The following MALRD1 variants were observed in gnomAD, a reference collection of about 807,000 sequenced individuals.
The protein encoded by MALRD1 is MAM and LDL-receptor class A domain-containing protein 1.
Under a neutral mutation model 242.1 loss-of-function variants are expected in MALRD1, and 247 were observed. The ratio of observed to expected loss-of-function variants is 1.02; its 90% CI spans 0.92 to 1.13. The LOEUF (loss-of-function observed/expected upper bound fraction) is 1.13, where lower values mean the gene tolerates loss of function less well. MALRD1 is among the 50% of genes most tolerant of loss of function. The pLI is 0.00. For synonymous variants in MALRD1, 995 were observed against 866.6 expected, an observed-to-expected ratio of 1.15 and a Z score of -2.60; for missense variants, 2,989 against 2,533.1, an observed-to-expected ratio of 1.18 and a Z score of -3.86.
intron 21 of MALRD1, among the ~76,000 whole-genome samples, chr10:19,300,174 A>T (rs1438397997): frequency 6.6e-6 from 1 of 151,984 alleles, no homozygotes; most frequent in Non-Finnish European, 1.5e-5. Flanking sequence ...CAGGTGAAAG[A>T]TCTTTATAAC....
chr10:19,087,439 C>G (rs530561780), intron 2 of MALRD1, among the ~76,000 whole-genome samples: 1 of 151,650 alleles, frequency 6.6e-6, no homozygotes, highest in Non-Finnish European at 1.5e-5. Flanking sequence ...ATTATTTGTT[C>G]TTTAAACAAA....
intron 34 of MALRD1, among the ~76,000 whole-genome samples, chr10:19,599,463 A>T (rs1260201869): frequency 6.6e-5 from 10 of 152,150 alleles, no homozygotes; most frequent in Non-Finnish European, 1.5e-4. Context: ...AGAAAAAGAA[A>T]AAGAAAAAAG....
chr10:19,605,161 TTA>T (rs146834860), intron 34 of MALRD1, among the ~76,000 whole-genome samples: 8,488 of 104,026 alleles, frequency 0.082, 279 homozygotes, highest in Non-Finnish European at 0.1. Context: ...TTTTTTATTA[TTA>T]TTTTTTTTTT....
At chr10:19,315,184 A>AATTTATATAAATATG (rs1842609356) in intron 21 of MALRD1, among the ~76,000 whole-genome samples, 1 of 117,518 alleles carries the variant, frequency 8.5e-6, no homozygotes, top group Admixed American at 9.1e-5. Context: ...ATATAAATAT[A>AATTTATATAAATATG]TAAATATAAT....
At chr10:19,222,127 C>T (rs542541206) in intron 18 of MALRD1, among the ~76,000 whole-genome samples, 1 of 151,924 alleles carries the variant, frequency 6.6e-6, no homozygotes, top group South Asian at 2.1e-4. Flanking sequence ...CAGCCTCCTT[C>T]CCTTCCTCTC....
At chr10:19,375,502 C>T (rs979550242) in intron 26 of MALRD1, among the ~76,000 whole-genome samples, 2 of 152,166 alleles carry the variant, frequency 1.3e-5, no homozygotes, top group African/African-American at 2.4e-5. Context: ...ATACCAAAAT[C>T]ACCTGCAAGG....
At chr10:19,547,820 T>TATATATCTATA (rs1564431955) in intron 32 of MALRD1, among the ~76,000 whole-genome samples, 1 of 15,824 alleles carries the variant, frequency 6.3e-5, no homozygotes, top group African/African-American at 1.6e-4. Context: ...ATATATATAT[T>TATATATCTATA]TTTTTTTTTT....
chr10:19,257,331 G>A (rs1839559793), intron 18 of MALRD1, among the ~76,000 whole-genome samples: 1 of 152,106 alleles, frequency 6.6e-6, no homozygotes, highest in Admixed American at 6.6e-5. Flanking sequence ...ACAATTATTT[G>A]CCTTCAAATA....
chr10:19,386,201 G>A (rs889074346), intron 26 of MALRD1, among the ~76,000 whole-genome samples: 2 of 152,022 alleles, frequency 1.3e-5, no homozygotes, highest in Non-Finnish European at 2.9e-5. Flanking sequence ...GGAGGTACAA[G>A]CTTCTATATG....
At chr10:19,347,691 A>T in intron 24 of MALRD1, 80 bp from the exon 25 acceptor site, 1 of 1,440,268 alleles carries the variant, frequency 6.9e-7, no homozygotes, top group Non-Finnish European at 9.4e-7. Context: ...ATACAGCAAG[A>T]TCACTGCAGT....
intron 36 of MALRD1, among the ~76,000 whole-genome samples, chr10:19,637,608 GT>G (rs1840197885): frequency 6.6e-6 from 1 of 151,964 alleles, no homozygotes; most frequent in South Asian, 2.1e-4. Context: ...TTTTGGAGAG[GT>G]TATTGTCGTA....
At chr10:19,598,105 A>T (rs1165250187) in intron 34 of MALRD1, 3 of 152,214 alleles carry the variant, frequency 2.0e-5, no homozygotes, top group Non-Finnish European at 4.4e-5. Context: ...GATGGATTGG[A>T]GTGAGGAAGA....
intron 28 of MALRD1, among the ~76,000 whole-genome samples, chr10:19,396,129 C>CTT (rs757417816): frequency 2.3e-5 from 3 of 129,832 alleles, no homozygotes; most frequent in Non-Finnish European, 3.2e-5. Flanking sequence ...TCCTTCGTTT[C>CTT]TTTTTTTTTT....
chr10:19,524,242 C>T (rs1420918397), intron 31 of MALRD1, among the ~76,000 whole-genome samples: 1 of 152,064 alleles, frequency 6.6e-6, no homozygotes, highest in Non-Finnish European at 1.5e-5. Flanking sequence ...TTTGGGAGGC[C>T]AAGGTGGTGG....
chr10:19,499,190 C>T (rs1201442866), intron 31 of MALRD1, among the ~76,000 whole-genome samples: 1 of 152,084 alleles, frequency 6.6e-6, no homozygotes, highest in Non-Finnish European at 1.5e-5. Flanking sequence ...AATGGCTTTA[C>T]AGTTAATAGA....
intron 25 of MALRD1, among the ~76,000 whole-genome samples, chr10:19,349,934 C>T (rs976001311): frequency 6.6e-6 from 1 of 151,990 alleles, no homozygotes; most frequent in African/African-American, 2.4e-5. Flanking sequence ...TTTTAAACAT[C>T]TGTGTGAGAA....
At chr10:19,178,489 C>G (rs1000026972) in intron 14 of MALRD1, among the ~76,000 whole-genome samples, 12 of 152,060 alleles carry the variant, frequency 7.9e-5, no homozygotes, top group African/African-American at 2.7e-4. Flanking sequence ...CTGTACAGGA[C>G]TTGAAGTTTT....
chr10:19,194,125 A>G (rs192351748), intron 14 of MALRD1, among the ~76,000 whole-genome samples: 3 of 152,236 alleles, frequency 2.0e-5, no homozygotes, highest in Non-Finnish European at 2.9e-5. Flanking sequence ...TAAGCATAGT[A>G]GTGGGTACTG....
At chr10:19,438,913 G>A (rs1449898783) in intron 28 of MALRD1, among the ~76,000 whole-genome samples, 1 of 152,118 alleles carries the variant, frequency 6.6e-6, no homozygotes, top group Non-Finnish European at 1.5e-5. Flanking sequence ...ATTGCCTGCA[G>A]CATGGGTACC....
Sources: allele counts gnomAD v4.1 joint callset (sites outside exome capture counted in the v4.1 genomes callset), GRCh38; gene constraint gnomAD v4.1.1; transcripts MANE v1.5; gene names NCBI Gene and HGNC (gene_info 2026-07-23, HGNC 2026-07-21).